CDH12: variants seen among roughly 807,000 people sequenced by gnomAD.
CDH12 encodes cadherin 12, also known as cadherin-12.
CDH12 carries 41 observed loss-of-function variants against 74.1 expected under a neutral mutation model. The ratio of observed to expected loss-of-function variants is 0.55; its 90% CI spans 0.43 to 0.72. The LOEUF (loss-of-function observed/expected upper bound fraction) is 0.72. Among genes scored for constraint, CDH12 ranks in the 30% least tolerant of loss-of-function variants. CDH12 has a pLI of 0.00. For synonymous variants in CDH12, 399 were observed against 355.0 expected, an observed-to-expected ratio of 1.12 and a Z score of -1.39; for missense variants, 945 against 977.2, an observed-to-expected ratio of 0.97 and a Z score of 0.44.
At chr5:22,160,591 A>T (rs1448098106) in intron 4 of CDH12, among the ~76,000 whole-genome samples, 3 of 152,170 alleles carry the variant, frequency 2.0e-5, no homozygotes, top group Non-Finnish European at 4.4e-5. Context: ...ATAGCTTATA[A>T]ACAACATAAA....
intron 5 of CDH12, among the ~76,000 whole-genome samples, chr5:22,064,666 T>C (rs1272973796): frequency 6.6e-6 from 1 of 152,180 alleles, no homozygotes; most frequent in African/African-American, 2.4e-5. Context: ...TTTGTCAAAC[T>C]AATGATGATA....
At chr5:22,842,931 CT>C (rs1280848631) in intron 1 of CDH12, among the ~76,000 whole-genome samples, 2 of 152,024 alleles carry the variant, frequency 1.3e-5, no homozygotes, top group Non-Finnish European at 1.5e-5. Context: ...ACTGTGTTTA[CT>C]TTTCTCAGTT....
chr5:21,752,034 G>A lies in CDH12; in HGVS notation c.2088C>T (p.Asp696=), dbSNP rs149905162. The change falls in exon 15 of 15, where the codon GAC becomes GAT. Residue 696 remains aspartate, a synonymous_variant. Transcript: ENST00000382254. ...ENKIRRDIKP[D]SLCLPRQRPP... ...GTCTCTGACGAGGTAAACAGAGAGA[G>A]TCTGGTTTTATATCCCTGCGAATTT... 1 of 1,614,078 alleles carries A rather than the reference G, an allele frequency of 6.2e-7. No homozygotes were observed. Among genetic ancestry groups the A allele is most frequent in the South Asian group, 1.1e-5 (1 of 91,082 alleles).
intron 2 of CDH12, among the ~76,000 whole-genome samples, chr5:22,485,645 T>G (rs1016094509): frequency 1.6e-4 from 24 of 152,236 alleles, no homozygotes; most frequent in Admixed American, 1.2e-3. Flanking sequence ...TCTGTTCTCT[T>G]TAGCCTTAAA....
At chr5:22,245,516 G>A (rs754973467) in intron 3 of CDH12, among the ~76,000 whole-genome samples, 5 of 152,028 alleles carry the variant, frequency 3.3e-5, no homozygotes, top group Non-Finnish European at 5.9e-5. Context: ...AGCAGAGATA[G>A]GGTGGAATCA....
intron 3 of CDH12, among the ~76,000 whole-genome samples, chr5:22,354,315 T>G (rs941957522): frequency 6.6e-6 from 1 of 152,302 alleles, no homozygotes; most frequent in South Asian, 2.1e-4. Context: ...TGCAGTAAAC[T>G]GTCCCCTGAC....
intron 3 of CDH12, among the ~76,000 whole-genome samples, chr5:22,270,317 T>G (rs1736337020): frequency 1.3e-5 from 2 of 152,278 alleles, no homozygotes; most frequent in South Asian, 2.1e-4. Flanking sequence ...TTATTTTGGC[T>G]GGACACAGTG....
At chr5:22,689,219 T>C (rs909298048) in intron 1 of CDH12, among the ~76,000 whole-genome samples, 1 of 152,186 alleles carries the variant, frequency 6.6e-6, no homozygotes, top group African/African-American at 2.4e-5. Context: ...GATATTCTGT[T>C]GTGGGCACAT....
intron 6 of CDH12, among the ~76,000 whole-genome samples, chr5:21,928,457 T>C (rs934491230): frequency 1.3e-5 from 2 of 152,174 alleles, no homozygotes; most frequent in Non-Finnish European, 2.9e-5. Flanking sequence ...AGAGCAGACA[T>C]TGAGAACATT....
At chr5:22,637,189 T>C (rs1041290312) in intron 1 of CDH12, among the ~76,000 whole-genome samples, 1 of 152,250 alleles carries the variant, frequency 6.6e-6, no homozygotes, top group African/African-American at 2.4e-5. Context: ...ACACAAAATA[T>C]ATTCTTTAGC....
intron 2 of CDH12, among the ~76,000 whole-genome samples, chr5:22,421,775 A>G: frequency 6.6e-6 from 1 of 152,270 alleles, no homozygotes; most frequent in African/African-American, 2.4e-5. Flanking sequence ...TGTCTTCCAC[A>G]ATGGTTGAAC....
intron 6 of CDH12, among the ~76,000 whole-genome samples, chr5:21,863,617 C>T (rs149719614): frequency 6.6e-6 from 1 of 152,044 alleles, no homozygotes; most frequent in Non-Finnish European, 1.5e-5. Flanking sequence ...AAAGAGTGAC[C>T]TGGTAGCTGG....
intron 3 of CDH12, among the ~76,000 whole-genome samples, chr5:22,373,245 C>T (rs1335957002): frequency 6.6e-6 from 1 of 152,214 alleles, no homozygotes; most frequent in Non-Finnish European, 1.5e-5. Context: ...AAGTAACCTG[C>T]TGATCCAACA....
At chr5:22,681,010 A>C (rs940941123) in intron 1 of CDH12, among the ~76,000 whole-genome samples, 2 of 152,076 alleles carry the variant, frequency 1.3e-5, no homozygotes, top group African/African-American at 4.8e-5. Flanking sequence ...ATTTCATTAC[A>C]CAAGTGCAAA....
chr5:22,756,883 C>T (rs1211158845), intron 1 of CDH12, among the ~76,000 whole-genome samples: 1 of 151,708 alleles, frequency 6.6e-6, no homozygotes. Context: ...TGCTTGAACC[C>T]GGGAGGCGGA....
intron 6 of CDH12, among the ~76,000 whole-genome samples, chr5:21,903,579 A>G (rs190669448): frequency 1.0e-3 from 156 of 152,218 alleles, no homozygotes; most frequent in African/African-American, 3.6e-3. Context: ...TTAATTCTGA[A>G]AACAGAATTA....
chr5:22,175,846 A>G (rs1749301420), intron 4 of CDH12, among the ~76,000 whole-genome samples: 1 of 152,144 alleles, frequency 6.6e-6, no homozygotes. Flanking sequence ...CGCAATAAAT[A>G]GGACCAGAGG....
intron 1 of CDH12, among the ~76,000 whole-genome samples, chr5:22,764,646 A>G (rs564618544): frequency 1.2e-4 from 19 of 152,166 alleles, no homozygotes; most frequent in African/African-American, 4.3e-4. Flanking sequence ...ATTAATAAAC[A>G]ATCAAAGTGA....
At chr5:22,381,469 C>T (rs115935739) in intron 3 of CDH12, among the ~76,000 whole-genome samples, 1,823 of 151,962 alleles carry the variant, frequency 0.012, 38 homozygotes, top group African/African-American at 0.041. Context: ...TTTTCCAATA[C>T]GAACATTTTT....
Sources: allele counts gnomAD v4.1 joint callset (sites outside exome capture counted in the v4.1 genomes callset), GRCh38; gene constraint gnomAD v4.1.1; transcripts MANE v1.5; gene names NCBI Gene and HGNC (gene_info 2026-07-23, HGNC 2026-07-21).